TACR3: variants seen among roughly 807,000 people sequenced by gnomAD.
The protein encoded by TACR3 is tachykinin receptor 3.
In TACR3, 34 loss-of-function variants were observed where a neutral mutation model predicts 35.0. That is an observed-to-expected ratio of 0.97 (90% CI 0.74 to 1.30). TACR3 has a LOEUF of 1.30. Among genes scored for constraint, TACR3 ranks in the 50% most tolerant of loss-of-function variants. TACR3 has a pLI of 0.00. For synonymous variants in TACR3, 233 were observed against 221.1 expected, an observed-to-expected ratio of 1.05 and a Z score of -0.48; for missense variants, 558 against 591.7, an observed-to-expected ratio of 0.94 and a Z score of 0.59.
At chr4:103,628,805 A>C (rs1724975608) in intron 3 of TACR3, among the ~76,000 whole-genome samples, 1 of 150,842 alleles carries the variant, frequency 6.6e-6, no homozygotes, top group Non-Finnish European at 1.5e-5. Context: ...TTATGAGGCA[A>C]GCATCATCCT....
At chr4:103,661,654 G>C (rs1057206571) in intron 1 of TACR3, among the ~76,000 whole-genome samples, 15 of 152,122 alleles carry the variant, frequency 9.9e-5, no homozygotes, top group African/African-American at 2.9e-4. Flanking sequence ...TCTAATGCTA[G>C]AGAAGGTATT....
At chr4:103,714,285 T>A (rs1025658376) in intron 1 of TACR3, among the ~76,000 whole-genome samples, 1 of 152,144 alleles carries the variant, frequency 6.6e-6, no homozygotes, top group East Asian at 1.9e-4. Context: ...CAGCTAGTTA[T>A]AAAAGAGCAA....
intron 1 of TACR3, among the ~76,000 whole-genome samples, chr4:103,689,879 C>T (rs1239834912): frequency 6.6e-6 from 1 of 152,046 alleles, no homozygotes. Context: ...CAAAGATCTG[C>T]ACCTAGGCAC....
chr4:103,680,183 C>A (rs17033995), intron 1 of TACR3, among the ~76,000 whole-genome samples: 1 of 151,256 alleles, frequency 6.6e-6, no homozygotes, highest in Admixed American at 6.6e-5. Flanking sequence ...ATATGGGTGA[C>A]GTTTACATAA....
intron 3 of TACR3, among the ~76,000 whole-genome samples, chr4:103,648,759 T>C (rs942273020): frequency 1.5e-4 from 23 of 152,176 alleles, no homozygotes; most frequent in Non-Finnish European, 4.4e-5. Flanking sequence ...GGAATGGATA[T>C]GTCTCTTTGA....
intron 1 of TACR3, among the ~76,000 whole-genome samples, chr4:103,714,882 A>G (rs1723053655): frequency 6.6e-6 from 1 of 152,194 alleles, no homozygotes; most frequent in Non-Finnish European, 1.5e-5. Flanking sequence ...TTATTCGTTC[A>G]GAATAATTTT....
In TACR3 at chr4:103,719,493, A is replaced by T. The variant is rs1277595416; in HGVS notation, c.183T>A (p.Pro61=). ...GCTGGGAGGGCGCGGGGGAAGCCAC[A>T]GGCAGTCCCAGCGCGGAAGGGGAGG... ...LSSSPSALGL[P]VASPAPSQPW... is the part of the protein sequence containing the mutation. Residue 61 remains proline, a synonymous_variant, in exon 1 of 5, where the codon CCT becomes CCA. Coordinates refer to ENST00000304883, the MANE Select transcript of TACR3 (RefSeq NM_001059.3). 6.2e-7 allele frequency: 1 copy of T among 1,611,768 alleles called. No individual in the cohort carries two copies. Among genetic ancestry groups the T allele is most frequent in the Admixed American group, 1.7e-5 (1 of 59,982 alleles).
chr4:103,615,725 G>T lies in TACR3; in HGVS notation c.889-24042C>A, dbSNP rs149097767. 2.0e-4 allele frequency among the ~76,000 whole-genome samples: 30 copies of T among 152,168 alleles called. No homozygotes were observed. The East Asian group carries it at 3.9e-3, about 20-fold the overall frequency. ...AATAAAATATGTTTCACAATGAAAAGACAATATATGTTCTTAAACAGTAAA... is the reference window on the plus strand; with the variant it reads ...AATAAAATATGTTTCACAATGAAAATACAATATATGTTCTTAAACAGTAAA... On this transcript the variant is annotated intron_variant, in intron 3 of 4. Coordinates refer to ENST00000304883, the MANE Select transcript of TACR3 (RefSeq NM_001059.3).
intron 1 of TACR3, among the ~76,000 whole-genome samples, chr4:103,672,237 TA>T (rs1171405858): frequency 6.6e-6 from 1 of 152,256 alleles, no homozygotes; most frequent in East Asian, 1.9e-4. Flanking sequence ...CAAAGTCATC[TA>T]TGATGTTCTT....
chr4:103,627,012 AAAAT>A (rs1472703938), intron 3 of TACR3, among the ~76,000 whole-genome samples: 2 of 147,662 alleles, frequency 1.4e-5, no homozygotes, highest in Admixed American at 1.3e-4. Context: ...ATCTCTGTGA[AAAAT>A]AAATAAAAAA....
intron 1 of TACR3, among the ~76,000 whole-genome samples, chr4:103,705,911 G>C (rs958146949): frequency 3.3e-5 from 5 of 152,126 alleles, no homozygotes; most frequent in Non-Finnish European, 7.4e-5. Context: ...TGGAAACGTT[G>C]TAGGATTCTA....
chr4:103,719,030 G>T lies in TACR3; in HGVS notation c.548+98C>A. On this transcript the variant is annotated intron_variant, in intron 1 of 4. Coordinates refer to ENST00000304883, the MANE Select transcript of TACR3 (RefSeq NM_001059.3). ...AATTCTTAGTCTCTTTACTTTTATA[G>T]ACCCCGTTACGTTACTATTTCCTTT... The T allele has an allele frequency of 2.6e-6, 4 of 1,512,434 alleles. No homozygotes were observed. In the African/African-American group the frequency reaches 4.1e-5, roughly 16 times the overall value. The allele number at this position is 1,512,434 out of a possible 1,614,324, so 93.7% of individuals were successfully genotyped here.
At chr4:103,625,644 T>A (rs1724871453) in intron 3 of TACR3, among the ~76,000 whole-genome samples, 1 of 152,180 alleles carries the variant, frequency 6.6e-6, no homozygotes, top group South Asian at 2.1e-4. Context: ...AACCTGTATC[T>A]TCATATTAGA....
At chr4:103,641,062 T>G (rs181745595) in intron 3 of TACR3, among the ~76,000 whole-genome samples, 78 of 152,126 alleles carry the variant, frequency 5.1e-4, no homozygotes, top group Non-Finnish European at 1.1e-3. Context: ...ATTTAATCCA[T>G]TTTGAGTTGA....
intron 1 of TACR3, among the ~76,000 whole-genome samples, chr4:103,666,964 A>G (rs1725948999): frequency 6.6e-6 from 1 of 152,104 alleles, no homozygotes; most frequent in Non-Finnish European, 1.5e-5. Context: ...CATATTAAAA[A>G]CTTTGAGTTC....
chr4:103,629,851 AAAAAAAAAAC>A (rs1265581300), intron 3 of TACR3, among the ~76,000 whole-genome samples: 2 of 79,464 alleles, frequency 2.5e-5, no homozygotes, highest in Admixed American at 1.2e-4. Flanking sequence ...TAAGCAAAAC[AAAAAAAAAAC>A]AAAAAAAAAA....
chr4:103,695,428 A>G (rs1335341515), intron 1 of TACR3, among the ~76,000 whole-genome samples: 10 of 152,238 alleles, frequency 6.6e-5, no homozygotes, highest in Admixed American at 3.3e-4. Context: ...CTGTATGATG[A>G]TCCACTTTCA....
At chr4:103,707,729 G>A (rs752541052) in intron 1 of TACR3, among the ~76,000 whole-genome samples, 2 of 152,064 alleles carry the variant, frequency 1.3e-5, no homozygotes, top group African/African-American at 2.4e-5. Context: ...AAGCACAAGG[G>A]GTCAGGGAAG....
At chr4:103,617,224 CATATT>C (rs1244382042) in intron 3 of TACR3, among the ~76,000 whole-genome samples, 2 of 149,574 alleles carry the variant, frequency 1.3e-5, no homozygotes, top group African/African-American at 4.9e-5. Context: ...GTACGATAAA[CATATT>C]AAGGTATCTA....
Sources: allele counts gnomAD v4.1 joint callset (sites outside exome capture counted in the v4.1 genomes callset), GRCh38; gene constraint gnomAD v4.1.1; transcripts MANE v1.5; gene names NCBI Gene and HGNC (gene_info 2026-07-23, HGNC 2026-07-21).